The following DPH6 variants were observed in gnomAD, a reference collection of about 807,000 sequenced individuals.
DPH6 encodes the protein diphthamine biosynthesis 6, also known as diphthine--ammonia ligase.
A neutral mutation model predicts 38.2 loss-of-function variants in DPH6; 33 were observed. That is an observed-to-expected ratio of 0.86 (90% CI 0.65 to 1.15). The LOEUF is 1.15. DPH6 is among the 50% of genes most tolerant of loss of function. The pLI is 0.00. For missense variants in DPH6, 325 were observed against 320.0 expected (o/e 1.02, Z -0.12); for synonymous variants, 108 against 103.0 (o/e 1.05, Z -0.30).
intron 6 of DPH6, among the ~76,000 whole-genome samples, chr15:35,390,633 T>C (rs2053041468): frequency 6.6e-6 from 1 of 152,246 alleles, no homozygotes; most frequent in African/African-American, 2.4e-5. Flanking sequence ...GTTGATCACA[T>C]CGGTTACTGA....
At chr15:35,152,327 C>T in the DPH6 span, among the ~76,000 whole-genome samples, 1 of 152,032 alleles carries the variant, frequency 6.6e-6, no homozygotes, top group Non-Finnish European at 1.5e-5. Context: ...GGAACCACTG[C>T]ATATTGTGTC....
intron 3 of DPH6, among the ~76,000 whole-genome samples, chr15:35,262,974 A>G (rs2051759218): frequency 6.6e-6 from 1 of 152,224 alleles, no homozygotes; most frequent in Admixed American, 6.5e-5. Context: ...GAATATGCCT[A>G]TAAAATATTT....
At chr15:35,468,740 G>A (rs1291630018) in intron 3 of DPH6, among the ~76,000 whole-genome samples, 2 of 151,378 alleles carry the variant, frequency 1.3e-5, no homozygotes, top group Non-Finnish European at 2.9e-5. Flanking sequence ...TAAGGGTGGC[G>A]AAAAGGGGAC....
At chr15:35,353,742 A>C (rs1331863414) in intron 3 of DPH6, among the ~76,000 whole-genome samples, 2 of 152,174 alleles carry the variant, frequency 1.3e-5, no homozygotes, top group African/African-American at 2.4e-5. Context: ...CTTTTGGCTT[A>C]GGATTGACTT....
chr15:35,500,216 G>T (rs973480), intron 3 of DPH6, among the ~76,000 whole-genome samples: 14,581 of 152,040 alleles, frequency 0.096, 941 homozygotes, highest in African/African-American at 0.18. Context: ...TCACTTCAGG[G>T]AAATAGTGAT....
chr15:35,325,107 T>C (rs2197412), intron 3 of DPH6, among the ~76,000 whole-genome samples: 84,734 of 152,022 alleles, frequency 0.56, 27,333 homozygotes, highest in African/African-American at 0.88. Context: ...TAGCATCACA[T>C]GTGATTAAGT....
chr15:35,477,408 G>A (rs944988244), intron 3 of DPH6, among the ~76,000 whole-genome samples: 9 of 151,898 alleles, frequency 5.9e-5, no homozygotes, highest in Middle Eastern at 6.8e-3. Flanking sequence ...AATACAAAGT[G>A]TTAAGAGGTA....
intron 3 of DPH6, among the ~76,000 whole-genome samples, chr15:35,474,297 T>G (rs1187062402): frequency 6.6e-6 from 1 of 152,176 alleles, no homozygotes; most frequent in African/African-American, 2.4e-5. Flanking sequence ...TATTACTGCC[T>G]GAAGTGCTGT....
chr15:35,475,974 T>C (rs556830806), intron 3 of DPH6, among the ~76,000 whole-genome samples: 5 of 151,772 alleles, frequency 3.3e-5, no homozygotes, highest in African/African-American at 1.2e-4. Flanking sequence ...AAAAATATTT[T>C]TACAGAACAA....
chr15:35,530,226 A>C (rs1254753158), intron 3 of DPH6, among the ~76,000 whole-genome samples: 1 of 152,170 alleles, frequency 6.6e-6, no homozygotes, highest in Non-Finnish European at 1.5e-5. Context: ...AGAGACTTAC[A>C]CCTAGCATCC....
intron 4 of DPH6, among the ~76,000 whole-genome samples, chr15:35,452,839 A>T (rs2141085354): frequency 6.6e-6 from 1 of 152,362 alleles, no homozygotes; most frequent in East Asian, 1.9e-4. Flanking sequence ...GAGCCATGAT[A>T]TTTTGAACTG....
chr15:35,147,562 G>C, the DPH6 span, among the ~76,000 whole-genome samples: 1 of 152,134 alleles, frequency 6.6e-6, no homozygotes, highest in Admixed American at 6.5e-5. Flanking sequence ...GATAGCATGG[G>C]AAATTTGGAA....
At chr15:35,471,159 A>C (rs1182732037) in intron 3 of DPH6, among the ~76,000 whole-genome samples, 3 of 152,200 alleles carry the variant, frequency 2.0e-5, no homozygotes, top group Non-Finnish European at 4.4e-5. Context: ...ATAAAGAGCA[A>C]TACAAATACT....
At chr15:35,350,578 A>T (rs940907385) in intron 3 of DPH6, among the ~76,000 whole-genome samples, 18 of 152,088 alleles carry the variant, frequency 1.2e-4, no homozygotes, top group African/African-American at 4.3e-4. Context: ...TACTACTCCA[A>T]ATTTCCCTCT....
At chr15:35,230,036 C>T (rs572723353) in intron 3 of DPH6, among the ~76,000 whole-genome samples, 1 of 152,322 alleles carries the variant, frequency 6.6e-6, no homozygotes, top group South Asian at 2.1e-4. Flanking sequence ...TGCAACCACT[C>T]CCTGGCTACC....
intron 3 of DPH6, among the ~76,000 whole-genome samples, chr15:35,527,770 T>C (rs962010812): frequency 3.9e-5 from 6 of 152,148 alleles, no homozygotes; most frequent in Non-Finnish European, 5.9e-5. Context: ...AGCTTACATG[T>C]AGGAGAATCT....
At chr15:35,386,142 C>T (rs1456696872) in intron 6 of DPH6, among the ~76,000 whole-genome samples, 1 of 152,130 alleles carries the variant, frequency 6.6e-6, no homozygotes, top group Non-Finnish European at 1.5e-5. Flanking sequence ...ATGATGGTTT[C>T]CAGCTTCATC....
chr15:35,435,822 C>G (rs1252605629), intron 5 of DPH6, among the ~76,000 whole-genome samples: 2 of 151,944 alleles, frequency 1.3e-5, no homozygotes, highest in African/African-American at 4.8e-5. Context: ...CCTTTTGTTT[C>G]TGAGCCTTCT....
At chr15:35,161,842 A>G in the DPH6 span, among the ~76,000 whole-genome samples, 4 of 151,868 alleles carry the variant, frequency 2.6e-5, no homozygotes, top group African/African-American at 9.7e-5. Flanking sequence ...GTGAGAAATA[A>G]ATTTCTGTTG....
Sources: gnomAD v4.1 joint callset for allele counts (sites outside exome capture counted in the v4.1 genomes callset) on GRCh38, gnomAD v4.1.1 for gene constraint, MANE v1.5 for transcripts, NCBI Gene and HGNC (gene_info 2026-07-23, HGNC 2026-07-21) for gene names.